The following SFPQ variants were observed in gnomAD, a reference collection of about 807,000 sequenced individuals.
SFPQ encodes splicing factor proline and glutamine rich.
Under a neutral mutation model 72.9 loss-of-function variants are expected in SFPQ, and 11 were observed. The observed-to-expected ratio is 0.15, with a 90% confidence interval of 0.09 to 0.25. The LOEUF (loss-of-function observed/expected upper bound fraction) is 0.25, where lower values mean the gene tolerates loss of function less well. Among genes scored for constraint, SFPQ ranks in the 10% least tolerant of loss-of-function variants. SFPQ has a pLI of 1.00. For synonymous variants in SFPQ, 506 were observed against 367.3 expected, an observed-to-expected ratio of 1.38 and a Z score of -4.32; for missense variants, 847 against 993.3, an observed-to-expected ratio of 0.85 and a Z score of 1.98.
downstream of SFPQ, chr1:35,178,145 T>C (rs1043359255): frequency 1.1e-5 from 12 of 1,121,800 alleles, no homozygotes; most frequent in East Asian, 4.3e-4. Flanking sequence ...GAGATAAAGA[T>C]TGGGGGTAAG....
chr1:35,181,951 G>A (rs768008981), downstream of SFPQ: 121 of 984,920 alleles, frequency 1.2e-4, no homozygotes, highest in Non-Finnish European at 1.4e-4. Flanking sequence ...GCTAAACAAC[G>A]TTTAGCAACT....
At chr1:35,182,017 G>A, downstream of SFPQ, 11 of 985,358 alleles carry the variant, frequency 1.1e-5, no homozygotes, top group Non-Finnish European at 1.2e-5. Context: ...TTATCCATTA[G>A]CATCCTTCAC....
At chr1:35,186,483 A>T (rs931887608) in intron 9 of SFPQ, among the ~76,000 whole-genome samples, 1 of 152,212 alleles carries the variant, frequency 6.6e-6, no homozygotes, top group African/African-American at 2.4e-5. Flanking sequence ...AACAGGTGGG[A>T]AACGACGAGT....
rs368633488 is a variant in SFPQ at position 35,184,557 on chromosome 1, C to G, written c.2023G>C (p.Val675Leu). Residue 675 changes from valine (V) to leucine (L), a missense_variant, in exon 10 of 10, where the codon GTG becomes CTG. Coordinates refer to ENST00000357214, the MANE Select transcript of SFPQ (RefSeq NM_005066.3). The part of the protein sequence containing the change: ...ERFGQGGAGP[V>L]GGQGPRGMGP... Reference sequence around the variant, plus strand: ...ATTCCTCTAGGACCCTGTCCACCCACAGGCCCCGCACCTCCCTGCCCAAAG... The same window carrying G: ...ATTCCTCTAGGACCCTGTCCACCCAGAGGCCCCGCACCTCCCTGCCCAAAG... 1 of 1,612,084 alleles carries G rather than the reference C, an allele frequency of 6.2e-7. No homozygotes were observed. Among genetic ancestry groups the G allele is most frequent in the African/African-American group, 1.3e-5 (1 of 74,798 alleles).
rs1471895837 is a variant in SFPQ at position 35,192,606 on chromosome 1, G to C, written c.444C>G (p.Gly148=). Residue 148 remains glycine (G), a synonymous_variant, in exon 1 of 10, where the codon GGC becomes GGG. Transcript: ENST00000357214. ...TSGAPPGSGP[G]PTPTPPPAVT... ...CTGCAGGCGGCGGGGTCGGAGTCGGGCCTGGCCCGGACCCTGGCGGGGCCC... is the reference window on the plus strand; with the variant it reads ...CTGCAGGCGGCGGGGTCGGAGTCGGCCCTGGCCCGGACCCTGGCGGGGCCC... 1 of 1,358,984 alleles carries C rather than the reference G, an allele frequency of 7.4e-7. No homozygotes were observed. The highest frequency in any genetic ancestry group is 9.4e-7 in the Non-Finnish European group (1 of 1,063,942). The allele number at this position is 1,358,984 out of a possible 1,614,324, so 84.2% of individuals were successfully genotyped here. A position where few individuals can be genotyped will look rare whatever the true frequency, so the allele number is the denominator to read the frequency against.
At position 35,192,405 on chromosome 1, in the gene SFPQ, C is replaced by G; in HGVS notation, c.645G>C (p.Gly215=). ...GGCCCGGGCCGCCACCTGGCTTCGG[C>G]CCGCCAGGCATTTTGCCGCCTTTGG... is the stretch of plus-strand genomic sequence containing the variant. ...GGPKGGKMPG[G]PKPGGGPGLS... The change falls in exon 1 of 10, where the codon GGG becomes GGC. Residue 215 remains glycine, a synonymous_variant. Coordinates refer to ENST00000357214, the MANE Select transcript of SFPQ (RefSeq NM_005066.3). 7.0e-7 allele frequency: 1 copy of G among 1,423,252 alleles called. No homozygotes were observed. The allele number at this position is 1,423,252 out of a possible 1,614,324, so 88.2% of individuals were successfully genotyped here.
At chr1:35,182,030 C>G (rs956800487), downstream of SFPQ, 2 of 985,250 alleles carry the variant, frequency 2.0e-6, no homozygotes, top group Non-Finnish European at 2.4e-6. Flanking sequence ...TCCTTCACCA[C>G]TCTTCAAAGG....
chr1:35,179,381 T>C (rs1321469838), downstream of SFPQ: 2 of 1,057,302 alleles, frequency 1.9e-6, no homozygotes, highest in Non-Finnish European at 2.3e-6. Context: ...ATTTCTTTCA[T>C]CTTTCAGAAA....
chr1:35,187,869 C>T (rs1312821903), intron 7 of SFPQ, 104 bp downstream of exon 7: 3 of 727,868 alleles, frequency 4.1e-6, no homozygotes, highest in African/African-American at 1.8e-5. Context: ...AGAAAAAAAG[C>T]AGAAAATAAC....
In SFPQ at chr1:35,185,076, T is replaced by C. The variant is rs572947220; in HGVS notation, c.1987-483A>G. 7.6e-4 allele frequency among the ~76,000 whole-genome samples: 115 copies of C among 152,276 alleles called. 1 individual carries two copies. The highest frequency in any genetic ancestry group is 6.8e-3 in the Middle Eastern group (2 of 294). On this transcript the variant is annotated intron_variant, in intron 9 of 9. Transcript: ENST00000357214. ...GGCATGTGCTGCTTAAGAAACCTTG[T>C]GCTTTTCAAGATCTTAAGACACATC...
Position 35,187,131 on chromosome 1 carries a change from C to T in SFPQ, c.1865-9G>A, listed in dbSNP as rs769107656. On this transcript the variant is annotated splice_polypyrimidine_tract_variant and intron_variant, in intron 8 of 9. Transcript: ENST00000357214. ...TCCTGAACCATAGGGATCTAGAAAACAAAAATAGTGGTTACAACTCCACCA... is the reference window on the plus strand; with the variant it reads ...TCCTGAACCATAGGGATCTAGAAAATAAAAATAGTGGTTACAACTCCACCA... 2 of 1,613,854 alleles carry T rather than the reference C, an allele frequency of 1.2e-6. No individual in the cohort carries two copies. The highest frequency in any genetic ancestry group is 1.7e-6 in the Non-Finnish European group (2 of 1,179,894).
Position 35,184,588 on chromosome 1 carries a change from A to T in SFPQ, c.1992T>A (p.Thr664=), listed in dbSNP as rs777474952. Residue 664 remains threonine (T), a synonymous_variant, in exon 10 of 10, where the codon ACT becomes ACA. Coordinates refer to ENST00000357214, the MANE Select transcript of SFPQ (RefSeq NM_005066.3). ...CCGCACCTCCCTGCCCAAAGCGCTCAGTACGCTATTGGAACAGTAATTAAC... is the reference window on the plus strand; with the variant it reads ...CCGCACCTCCCTGCCCAAAGCGCTCTGTACGCTATTGGAACAGTAATTAAC... ...SGSMMGSDMR[T]ERFGQGGAGP... The T allele has an allele frequency of 8.8e-6, 14 of 1,590,430 alleles. No homozygotes were observed. Among genetic ancestry groups the T allele is most frequent in the Non-Finnish European group, 1.2e-5 (14 of 1,173,330 alleles).
intron 7 of SFPQ, 105 bp downstream of exon 7, chr1:35,187,868 G>T (rs939312317): frequency 2.8e-6 from 2 of 725,720 alleles, no homozygotes; most frequent in Non-Finnish European, 4.8e-6. Flanking sequence ...TAGAAAAAAA[G>T]CAGAAAATAA....
chr1:35,188,766 G>C (rs533461433), intron 6 of SFPQ, among the ~76,000 whole-genome samples: 5 of 152,192 alleles, frequency 3.3e-5, no homozygotes, highest in Non-Finnish European at 7.3e-5. Flanking sequence ...AGGCCAGCCT[G>C]GCCAACATGG....
intron 9 of SFPQ, 38 bp downstream of exon 9, chr1:35,186,963 A>T (rs369102177): frequency 6.4e-5 from 101 of 1,570,908 alleles, no homozygotes; most frequent in Non-Finnish European, 1.7e-6. Flanking sequence ...TGTGAAAATG[A>T]GAATTTCCTT....
downstream of SFPQ, chr1:35,180,919 T>C (rs1296727465): frequency 3.3e-5 from 33 of 985,186 alleles, no homozygotes; most frequent in Non-Finnish European, 4.0e-5. Context: ...AGAATCAAGT[T>C]TGCACTTTTT....
Position 35,192,765 on chromosome 1 carries a change from C to A in SFPQ, c.285G>T (p.Gln95His). The change falls in exon 1 of 10, where the codon CAG becomes CAT. Residue 95 changes from glutamine (Q) to histidine (H), a missense_variant. By Grantham distance (24) the Gln-to-His change is conservative (BLOSUM62 0). Coordinates refer to ENST00000357214, the MANE Select transcript of SFPQ (RefSeq NM_005066.3). The stretch of plus-strand genomic sequence containing the variant: ...GCGGCGGTGGCGGCGGCTGCTGCTG[C>A]TGATGCGGCTGTGGATGCGGCGGCG... ...HQPPPHPQPH[Q>H]QQQPPPPPQD... is the part of the protein sequence containing the mutation. The A allele has an allele frequency of 6.7e-7, 1 of 1,498,678 alleles. No individual in the cohort carries two copies. The highest frequency in any genetic ancestry group is 1.2e-5 in the South Asian group (1 of 80,146). 92.8% of individuals were successfully genotyped at this position (1,498,678 alleles called of 1,614,324 possible). A position where few individuals can be genotyped will look rare whatever the true frequency, so the allele number is the denominator to read the frequency against.
chr1:35,189,470 A>G (rs1350560601), intron 4 of SFPQ, 88 bp from the exon 5 acceptor site: 2 of 1,118,292 alleles, frequency 1.8e-6, no homozygotes, highest in Admixed American at 2.7e-5. Flanking sequence ...TTCCTGTTCT[A>G]TTTCTTGTAA....
rs993553543 is a variant in SFPQ at position 35,184,283 on chromosome 1, A to G, written c.*173T>C. ...AAGGAAAAAAAAATTCTCCTGTTCC[A>G]AACACTGCATTACATAATTTTACCT... On this transcript the variant is annotated 3_prime_UTR_variant, in exon 10 of 10. Transcript: ENST00000357214. 2 of 1,404,342 alleles carry G rather than the reference A, an allele frequency of 1.4e-6. No individual in the cohort carries two copies. The highest frequency in any genetic ancestry group is 1.8e-6 in the Non-Finnish European group (2 of 1,088,766). The allele number at this position is 1,404,342 out of a possible 1,614,324, so 87.0% of individuals were successfully genotyped here.
Sources: gnomAD v4.1 joint callset for allele counts (sites outside exome capture counted in the v4.1 genomes callset) on GRCh38, gnomAD v4.1.1 for gene constraint, MANE v1.5 for transcripts, NCBI Gene and HGNC (gene_info 2026-07-23, HGNC 2026-07-21) for gene names.